The following TNFRSF10B variants were observed in gnomAD, a reference collection of about 807,000 sequenced individuals.
TNFRSF10B encodes the protein TNF receptor superfamily member 10b.
A neutral mutation model predicts 41.4 loss-of-function variants in TNFRSF10B; 35 were observed. The observed-to-expected ratio is 0.85, with a 90% CI of 0.65 to 1.12. The LOEUF is 1.12. TNFRSF10B is among the 50% of genes most tolerant of loss of function. The pLI, the probability that TNFRSF10B is intolerant of heterozygous loss-of-function variation, is 0.00. For synonymous variants in TNFRSF10B, 230 were observed against 215.5 expected (o/e 1.07, Z -0.59); for missense variants, 584 against 552.7 (o/e 1.06, Z -0.57).
intron 3 of TNFRSF10B, among the ~76,000 whole-genome samples, chr8:23,030,175 C>G (rs890762871): frequency 1.3e-5 from 2 of 152,142 alleles, no homozygotes; most frequent in Non-Finnish European, 2.9e-5. Flanking sequence ...AGCCTGGCCC[C>G]AAAGCAGACC....
At chr8:23,052,167 T>C (rs1308786992) in intron 1 of TNFRSF10B, among the ~76,000 whole-genome samples, 1 of 152,184 alleles carries the variant, frequency 6.6e-6, no homozygotes, top group East Asian at 1.9e-4. Context: ...AAACTTGTCA[T>C]AATTTAGAAT....
intron 1 of TNFRSF10B, among the ~76,000 whole-genome samples, chr8:23,046,029 A>G (rs1812348966): frequency 6.6e-6 from 1 of 152,198 alleles, no homozygotes; most frequent in African/African-American, 2.4e-5. Context: ...CAGGAACAAC[A>G]CAAGGATGCT....
intron 5 of TNFRSF10B, 194 bp from the exon 6 acceptor site, chr8:23,027,947 A>G (rs914881165): frequency 1.4e-5 from 9 of 656,558 alleles, no homozygotes; most frequent in Admixed American, 1.1e-4. Context: ...CTAGAGTAAA[A>G]ACAAACACTT....
chr8:23,029,252 A>G (rs191388934), intron 4 of TNFRSF10B, among the ~76,000 whole-genome samples: 1 of 152,268 alleles, frequency 6.6e-6, no homozygotes, highest in East Asian at 1.9e-4. Flanking sequence ...TAAAAAATAC[A>G]TTTTATTGCT....
chr8:23,045,675 G>T (rs1223381382), intron 1 of TNFRSF10B, among the ~76,000 whole-genome samples: 1 of 152,110 alleles, frequency 6.6e-6, no homozygotes, highest in African/African-American at 2.4e-5. Flanking sequence ...AAACACAGAT[G>T]CAAAAATCTT....
rs764183847 is a variant in TNFRSF10B at position 23,027,241 on chromosome 8, C to G, written c.828G>C (p.Val276=). Residue 276 remains valine, a synonymous_variant, in exon 7 of 9, where the codon GTG becomes GTC. Transcript: ENST00000276431. ...GAEDNVLNEI[V]SILQPTQVPE... The stretch of plus-strand genomic sequence containing the variant: ...GGACCTGGGTGGGCTGCAAGATACT[C>G]ACGATCTCATTGAGGACATTGTCCT... The G allele has an allele frequency of 1.2e-6, 2 of 1,614,184 alleles. No individual in the cohort carries two copies. The highest frequency in any genetic ancestry group is 8.5e-7 in the Non-Finnish European group (1 of 1,180,044).
chr8:23,060,495 C>T lies in TNFRSF10B; in HGVS notation c.144+8256G>A, dbSNP rs950063467. Among the ~76,000 whole-genome samples the T allele has an allele frequency of 9.2e-5, 14 of 152,226 alleles. 1 individual carries two copies. The highest frequency in any genetic ancestry group is 4.1e-4 in the South Asian group (2 of 4,826). On this transcript the variant is annotated intron_variant, in intron 1 of 8. Transcript: ENST00000276431. ...GGCTCCTCTATTCTATTCCACTGATCGATTTATCTGCTTTTATGTCAGTAC... is the reference window on the plus strand; with the variant it reads ...GGCTCCTCTATTCTATTCCACTGATTGATTTATCTGCTTTTATGTCAGTAC...
rs907188967 is a variant in TNFRSF10B, at chr8:23,021,200, T to C, written c.*1471A>G. On this transcript the variant is annotated 3_prime_UTR_variant, in exon 9 of 9. Transcript: ENST00000276431. ...GGTTACTGAGGTCTTAAAACAATAA[T>C]AGAACAGGACACAAGAAGAAAACCT... is the stretch of plus-strand genomic sequence containing the variant. The C allele has an allele frequency of 4.4e-6, 2 of 453,968 alleles. No homozygotes were observed. The highest frequency in any genetic ancestry group is 2.0e-5 in the African/African-American group (1 of 50,000). The allele number at this position is 453,968 out of a possible 1,614,324, so 28.1% of individuals were successfully genotyped here. A position where few individuals can be genotyped will look rare whatever the true frequency, so the allele number is the denominator to read the frequency against.
At chr8:23,038,870 T>G (rs1812095026) in intron 2 of TNFRSF10B, among the ~76,000 whole-genome samples, 1 of 152,094 alleles carries the variant, frequency 6.6e-6, no homozygotes, top group Non-Finnish European at 1.5e-5. Flanking sequence ...AAAGACAATT[T>G]TTCCACGGAC....
intron 7 of TNFRSF10B, among the ~76,000 whole-genome samples, chr8:23,026,243 G>C (rs967253975): frequency 6.6e-6 from 1 of 150,836 alleles, no homozygotes; most frequent in Non-Finnish European, 1.5e-5. Context: ...ATAAACATTT[G>C]ACATTTTCAA....
At chr8:23,043,073 C>T in intron 2 of TNFRSF10B, 65 bp downstream of exon 2, 1 of 1,472,726 alleles carries the variant, frequency 6.8e-7, no homozygotes, top group Non-Finnish European at 9.5e-7. Context: ...GCAAAGGAAA[C>T]AGACTGGAAG....
rs560759733 is a variant in TNFRSF10B at position 23,028,367 on chromosome 8, T to A, written c.712A>T (p.Lys238Ter). The change falls in exon 5 of 9, where the codon AAG becomes TAG. Residue 238 changes from lysine (K) to a stop codon, truncating the protein, a stop_gained. Coordinates refer to ENST00000276431, the MANE Select transcript of TNFRSF10B (RefSeq NM_003842.5). LOFTEE classifies it high-confidence loss of function. Reference sequence around the variant, plus strand: ...CCTTTCAGGTAAGGAAGGACTTTCTTCCACAGTAAAGACTTGCAAACAAAC... The same window carrying A: ...CCTTTCAGGTAAGGAAGGACTTTCTACCACAGTAAAGACTTGCAAACAAAC... The part of the protein sequence containing the change: ...AVFVCKSLLW[K>*]KVLPYLKGIC... The A allele has an allele frequency of 9.9e-6, 16 of 1,614,096 alleles. No homozygotes were observed. In the South Asian group the frequency reaches 1.5e-4, roughly 16 times the overall value.
At position 23,022,593 on chromosome 8, in the gene TNFRSF10B, A is replaced by G; in HGVS notation, c.*78T>C. 2 of 1,511,224 alleles carry G rather than the reference A, an allele frequency of 1.3e-6. No individual in the cohort carries two copies. The highest frequency in any genetic ancestry group is 1.8e-6 in the Non-Finnish European group (2 of 1,093,390). The allele number at this position is 1,511,224 out of a possible 1,614,324, so 93.6% of individuals were successfully genotyped here. ...CATGTGACAATTGTGGCACTTTCCT[A>G]CTGACTGGAGTCCAGTTGGGCTTTT... On this transcript the variant is annotated 3_prime_UTR_variant, in exon 9 of 9. Coordinates refer to ENST00000276431, the MANE Select transcript of TNFRSF10B (RefSeq NM_003842.5).
chr8:23,027,431 T>A (rs1811736579), intron 6 of TNFRSF10B, 143 bp from the exon 7 acceptor site: 1 of 1,043,640 alleles, frequency 9.6e-7, no homozygotes. Flanking sequence ...ACTCAGCACA[T>A]CCAGGACCCG....
At chr8:23,023,767 T>G (rs1811616746) in intron 8 of TNFRSF10B, among the ~76,000 whole-genome samples, 1 of 152,238 alleles carries the variant, frequency 6.6e-6, no homozygotes, top group Non-Finnish European at 1.5e-5. Flanking sequence ...TTTCCACTCT[T>G]TTTTGCATTA....
In TNFRSF10B at chr8:23,053,554, G is replaced by A. The variant is rs543488205; in HGVS notation, c.145-10311C>T. Among the ~76,000 whole-genome samples the A allele has an allele frequency of 2.5e-4, 38 of 152,254 alleles. 1 individual carries two copies. Among genetic ancestry groups the A allele is most frequent in the South Asian group, 4.1e-4 (2 of 4,828 alleles). On this transcript the variant is annotated intron_variant, in intron 1 of 8. Transcript: ENST00000276431. ...GACAATTCTGTGTGTAAATGTATTGGCTAAAATTAAAGGGATATCATCCAG... is the reference window on the plus strand; with the variant it reads ...GACAATTCTGTGTGTAAATGTATTGACTAAAATTAAAGGGATATCATCCAG...
At chr8:23,035,972 G>A (rs1812020579) in intron 2 of TNFRSF10B, among the ~76,000 whole-genome samples, 1 of 152,204 alleles carries the variant, frequency 6.6e-6, no homozygotes, top group Non-Finnish European at 1.5e-5. Context: ...AGACCCAACG[G>A]TGCTTGAAGT....
At chr8:23,058,702 C>A (rs1322170295) in intron 1 of TNFRSF10B, among the ~76,000 whole-genome samples, 7 of 152,100 alleles carry the variant, frequency 4.6e-5, no homozygotes, top group Admixed American at 4.6e-4. Flanking sequence ...TTAGGGTGAT[C>A]TTGAACTCCC....
Position 23,030,771 on chromosome 8 carries a change from T to A in TNFRSF10B, c.352A>T (p.Arg118Trp). ...NDLLFCLRCT[R>W]CDSGEVELSP... ...ATATGTTCTGTACCTGAATCACACC[T>A]GGTGCAGCGCAAGCAGAAAAGGAGG... is the stretch of plus-strand genomic sequence containing the variant. The change falls in exon 3 of 9, where the codon AGG (arginine) becomes TGG (tryptophan). Residue 118 changes from arginine to tryptophan, a missense_variant. By Grantham distance (101) the Arg-to-Trp change is moderately radical. Transcript: ENST00000276431. 1 of 1,612,446 alleles carries A rather than the reference T, an allele frequency of 6.2e-7. No homozygotes were observed. Among genetic ancestry groups the A allele is most frequent in the Non-Finnish European group, 8.5e-7 (1 of 1,179,152 alleles).
Sources: allele counts gnomAD v4.1 joint callset (sites outside exome capture counted in the v4.1 genomes callset), GRCh38; gene constraint gnomAD v4.1.1; transcripts MANE v1.5; gene names NCBI Gene and HGNC (gene_info 2026-07-23, HGNC 2026-07-21).